BRI3: variants seen among roughly 807,000 people sequenced by gnomAD.
BRI3 encodes membrane protein BRI3.
A neutral mutation model predicts 12.8 loss-of-function variants in BRI3; 6 were observed. That is an observed-to-expected ratio of 0.47 (90% CI 0.26 to 0.93). BRI3 has a LOEUF of 0.93. Among genes scored for constraint, BRI3 ranks in the 40% least tolerant of loss-of-function variants. BRI3 has a pLI of 0.15. For synonymous variants in BRI3, 91 were observed against 76.1 expected, an observed-to-expected ratio of 1.20 and a Z score of -1.02; for missense variants, 134 against 171.1, an observed-to-expected ratio of 0.78 and a Z score of 1.21.
intron 1 of BRI3, among the ~76,000 whole-genome samples, chr7:98,299,757 T>C (rs978240065): frequency 3.9e-5 from 6 of 152,114 alleles, no homozygotes; most frequent in African/African-American, 1.4e-4. Context: ...TAAAATAAAA[T>C]TTGCCGGGCG....
At chr7:98,320,297 T>C in the BRI3 span, 2 of 1,595,726 alleles carry the variant, frequency 1.3e-6, no homozygotes, top group Non-Finnish European at 1.7e-6. Context: ...TGAGGACATG[T>C]CCTGGGAACA....
upstream of BRI3, chr7:98,304,164 G>C (rs560810108): frequency 3.7e-5 from 57 of 1,530,922 alleles, no homozygotes; most frequent in East Asian, 1.3e-3. Context: ...GCGAGTCCAG[G>C]ACCCAGGACG....
chr7:98,290,178 G>GT (rs1200763476), intron 2 of BRI3, among the ~76,000 whole-genome samples: 1,984 of 91,828 alleles, frequency 0.022, 95 homozygotes, highest in African/African-American at 0.054. Flanking sequence ...GCCTCTCAAG[G>GT]TTGTTTTTTT....
At chr7:98,316,886 T>TG in the BRI3 span, among the ~76,000 whole-genome samples, 9 of 151,660 alleles carry the variant, frequency 5.9e-5, no homozygotes, top group Non-Finnish European at 1.3e-4. Context: ...TTTTTTGAGA[T>TG]GGAGTCTCAT....
At chr7:98,287,656 C>G (rs1030625954) in intron 2 of BRI3, among the ~76,000 whole-genome samples, 6 of 152,196 alleles carry the variant, frequency 3.9e-5, no homozygotes, top group African/African-American at 1.4e-4. Flanking sequence ...CTTCTCAGCT[C>G]TGACAGAGTA....
intron 1 of BRI3, 64 bp from the exon 2 acceptor site, chr7:98,282,287 G>A (rs1342376855): frequency 1.3e-5 from 17 of 1,342,900 alleles, no homozygotes; most frequent in Admixed American, 8.7e-5. Flanking sequence ...GACAGGATGA[G>A]TAGTCCCCGT....
At chr7:98,298,436 C>T (rs937961052) in intron 1 of BRI3, among the ~76,000 whole-genome samples, 1 of 152,164 alleles carries the variant, frequency 6.6e-6, no homozygotes, top group African/African-American at 2.4e-5. Flanking sequence ...CACGGTGAAA[C>T]CCCATCTCTA....
downstream of BRI3, chr7:98,294,096 T>C (rs149794421): frequency 6.2e-7 from 1 of 1,614,024 alleles, no homozygotes; most frequent in Non-Finnish European, 8.5e-7. Flanking sequence ...GGCTTTGCAG[T>C]CCCGTTGGCA....
At chr7:98,297,642 A>G (rs892389062), downstream of BRI3, among the ~76,000 whole-genome samples, 1 of 152,156 alleles carries the variant, frequency 6.6e-6, no homozygotes, top group African/African-American at 2.4e-5. Context: ...CTTCTGATCT[A>G]GTTCAACCCC....
downstream of BRI3, among the ~76,000 whole-genome samples, chr7:98,294,290 G>A (rs1800094273): frequency 6.6e-6 from 1 of 152,174 alleles, no homozygotes; most frequent in Non-Finnish European, 1.5e-5. Context: ...GCTGCGACTG[G>A]CCTGTATTGG....
chr7:98,292,528 AT>A (rs773349337), downstream of BRI3: 11 of 1,069,144 alleles, frequency 1.0e-5, no homozygotes, highest in Non-Finnish European at 1.5e-5. Context: ...GCCAAAGATG[AT>A]TTCCAGCCCC....
the BRI3 span, among the ~76,000 whole-genome samples, chr7:98,315,848 G>A: frequency 6.6e-6 from 1 of 152,242 alleles, no homozygotes; most frequent in East Asian, 1.9e-4. Context: ...ATTCCCACGG[G>A]GCAATTTGCA....
intron 2 of BRI3, among the ~76,000 whole-genome samples, chr7:98,290,624 AAG>A (rs1177295373): frequency 6.6e-6 from 1 of 151,772 alleles, no homozygotes; most frequent in African/African-American, 2.4e-5. Context: ...TCAGCCTCCC[AAG>A]TAGCCGGGAC....
At chr7:98,318,892 C>T in the BRI3 span, among the ~76,000 whole-genome samples, 1 of 150,318 alleles carries the variant, frequency 6.7e-6, no homozygotes, top group Non-Finnish European at 1.5e-5. Context: ...TGCAGTGAGC[C>T]CCGAGATTGC....
At chr7:98,310,302 C>CA (rs1416756255) in exon 2 of BRI3, 3 of 866,742 alleles carry the variant, frequency 3.5e-6, no homozygotes, top group Non-Finnish European at 5.1e-6. Flanking sequence ...TCACGCTCTG[C>CA]AAAGCCAGGG....
At chr7:98,292,199 T>A (rs569479335), downstream of BRI3, 3 of 180,158 alleles carry the variant, frequency 1.7e-5, no homozygotes, top group Non-Finnish European at 3.5e-5. Context: ...ACTACACTTA[T>A]GGCAAGGCTA....
downstream of BRI3, among the ~76,000 whole-genome samples, chr7:98,297,601 C>T (rs137967589): frequency 1.2e-4 from 19 of 152,304 alleles, no homozygotes; most frequent in African/African-American, 3.8e-4. Context: ...TTCCAGTCCT[C>T]GTCTGTGGCC....
chr7:98,311,722 A>G (rs1411881474), downstream of BRI3, among the ~76,000 whole-genome samples: 1 of 151,342 alleles, frequency 6.6e-6, no homozygotes, highest in Non-Finnish European at 1.5e-5. Flanking sequence ...CCTGACCAAC[A>G]TGGCAAAACC....
At chr7:98,290,280 C>T (rs375355688) in intron 2 of BRI3, among the ~76,000 whole-genome samples, 513 of 150,456 alleles carry the variant, frequency 3.4e-3, no homozygotes, top group African/African-American at 0.012. Context: ...ACTGCAAGCT[C>T]CGCTTCCTGG....
Sources: allele counts gnomAD v4.1 joint callset (sites outside exome capture counted in the v4.1 genomes callset), GRCh38; gene constraint gnomAD v4.1.1; transcripts MANE v1.5; gene names NCBI Gene and HGNC (gene_info 2026-07-23, HGNC 2026-07-21).